Variants in JMJD1C observed in about 807,000 individuals in gnomAD.
JMJD1C encodes the protein jumonji domain-containing protein 1C.
JMJD1C carries 31 observed loss-of-function variants against 245.3 expected under a neutral mutation model. The observed-to-expected ratio is 0.13, with a 90% CI of 0.09 to 0.17. The LOEUF (loss-of-function observed/expected upper bound fraction) is 0.17. Among genes scored for constraint, JMJD1C ranks in the 10% least tolerant of loss-of-function variants. The probability of loss-of-function intolerance (pLI) is 1.00; values close to 1 mark genes in which losing one functional copy is unlikely to be tolerated. For missense variants in JMJD1C, 2,691 were observed against 3,000.2 expected (o/e 0.90, Z 2.41); for synonymous variants, 1,057 against 1,017.4 (o/e 1.04, Z -0.74).
At chr10:63,195,928 CA>C (rs1480842615) in intron 13 of JMJD1C, among the ~76,000 whole-genome samples, 1 of 148,816 alleles carries the variant, frequency 6.7e-6, no homozygotes, top group Non-Finnish European at 1.5e-5. Context: ...GACTCTGTCT[CA>C]AAAAAAGAAA....
chr10:63,396,099 G>C (rs1356320146), intron 1 of JMJD1C, among the ~76,000 whole-genome samples: 1 of 152,026 alleles, frequency 6.6e-6, no homozygotes, highest in Non-Finnish European at 1.5e-5. Flanking sequence ...AAATGCATAA[G>C]TAGAGAATTT....
chr10:63,188,619 T>C (rs1844414615), intron 18 of JMJD1C, among the ~76,000 whole-genome samples: 1 of 152,242 alleles, frequency 6.6e-6, no homozygotes. Flanking sequence ...ATTAATGTAG[T>C]AAATTGCCAT....
At chr10:63,183,402 T>C in intron 22 of JMJD1C, 45 bp downstream of exon 22, 1 of 1,537,182 alleles carries the variant, frequency 6.5e-7, no homozygotes, top group Non-Finnish European at 8.9e-7. Context: ...GTGAATGTGA[T>C]TATTCAACTC....
chr10:63,371,812 G>T (rs1018704078), intron 2 of JMJD1C, among the ~76,000 whole-genome samples: 4 of 152,118 alleles, frequency 2.6e-5, no homozygotes, highest in Non-Finnish European at 5.9e-5. Flanking sequence ...TGTATAATTT[G>T]ATCTCTTAAA....
At chr10:63,206,569 G>A (rs763170529) in intron 10 of JMJD1C, 26 bp downstream of exon 10, 1 of 1,532,186 alleles carries the variant, frequency 6.5e-7, no homozygotes, top group Non-Finnish European at 8.8e-7. Context: ...CATTTTACCT[G>A]AGATAAAACA....
Position 63,214,052 on chromosome 10 carries a change from A to G in JMJD1C, c.2115T>C (p.Ile705=). The G allele has an allele frequency of 6.2e-7, 1 of 1,614,182 alleles. No homozygotes were observed. The highest frequency in any genetic ancestry group is 8.5e-7 in the Non-Finnish European group (1 of 1,180,000). Residue 705 remains isoleucine, a synonymous_variant, in exon 8 of 26, where the codon ATT becomes ATC. Coordinates refer to ENST00000399262, the MANE Select transcript of JMJD1C (RefSeq NM_032776.3). Reference sequence around the variant, plus strand: ...AAACTGTAAAATGCTCATTTTTATCAATGATAAGAGGACTCTTTGTAGTTT... The same window carrying G: ...AAACTGTAAAATGCTCATTTTTATCGATGATAAGAGGACTCTTTGTAGTTT... The part of the protein sequence containing the change: ...TLETTKSPLI[I]DKNEHFTVYR...
intron 1 of JMJD1C, among the ~76,000 whole-genome samples, chr10:63,440,506 C>G (rs532195005): frequency 9.9e-5 from 15 of 152,078 alleles, no homozygotes; most frequent in Non-Finnish European, 2.1e-4. Context: ...TATAATACCT[C>G]AAATGATTCT....
intron 2 of JMJD1C, among the ~76,000 whole-genome samples, chr10:63,359,937 T>C (rs950534249): frequency 6.6e-6 from 1 of 152,116 alleles, no homozygotes; most frequent in South Asian, 2.1e-4. Flanking sequence ...AAAATACCTT[T>C]TGTTCCTTAA....
intron 2 of JMJD1C, among the ~76,000 whole-genome samples, chr10:63,337,608 G>GA (rs368646381): frequency 0.02 from 1,879 of 92,326 alleles, 187 homozygotes; most frequent in African/African-American, 0.084. Context: ...GAAAAGAAAA[G>GA]AAAAGAAAAG....
chr10:63,289,311 A>T (rs1858362700), intron 2 of JMJD1C, among the ~76,000 whole-genome samples: 1 of 78,460 alleles, frequency 1.3e-5, no homozygotes. Flanking sequence ...AAATTTAATA[A>T]GAGAAACATA....
rs527524688 is a variant in JMJD1C at position 63,514,469 on chromosome 10, C to T, written n.113+7269G>A. Among the ~76,000 whole-genome samples the T allele has an allele frequency of 2.0e-5, 3 of 152,308 alleles. No homozygotes were observed. The East Asian group carries it at 5.8e-4, about 29-fold the overall frequency. On this transcript the variant is annotated intron_variant and non_coding_transcript_variant, in intron 1 of 3. Transcript: ENST00000633035. ...ACATAACAAAGAATGAAATCATGTCCTTTTGCAGCAACATGGATGGAGTTG... is the reference window on the plus strand; with the variant it reads ...ACATAACAAAGAATGAAATCATGTCTTTTTGCAGCAACATGGATGGAGTTG...
chr10:63,431,806 G>A (rs1950768687), intron 1 of JMJD1C, among the ~76,000 whole-genome samples: 1 of 152,222 alleles, frequency 6.6e-6, no homozygotes, highest in African/African-American at 2.4e-5. Flanking sequence ...GAGGTCCAGA[G>A]ATAGAGACCA....
At chr10:63,309,782 T>C (rs1311315105) in intron 2 of JMJD1C, among the ~76,000 whole-genome samples, 1 of 152,002 alleles carries the variant, frequency 6.6e-6, no homozygotes, top group Non-Finnish European at 1.5e-5. Context: ...CTGGGTGTGG[T>C]GGCGCACGCC....
At chr10:63,299,018 A>G (rs1023255365) in intron 2 of JMJD1C, among the ~76,000 whole-genome samples, 3 of 152,120 alleles carry the variant, frequency 2.0e-5, no homozygotes, top group Non-Finnish European at 4.4e-5. Flanking sequence ...GGCATGAGCC[A>G]CCATGCCTGG....
At chr10:63,498,512 T>G (rs1413740665) in intron 1 of JMJD1C, among the ~76,000 whole-genome samples, 1 of 152,142 alleles carries the variant, frequency 6.6e-6, no homozygotes, top group African/African-American at 2.4e-5. Context: ...TGTCTTTCCT[T>G]AACTAAACAA....
intron 2 of JMJD1C, among the ~76,000 whole-genome samples, chr10:63,294,126 C>G (rs190375876): frequency 2.8e-4 from 43 of 152,264 alleles, no homozygotes; most frequent in African/African-American, 1.0e-3. Flanking sequence ...ATGAACTCTT[C>G]AGCAATTCAA....
At chr10:63,186,880 C>A (rs1398263095) in intron 18 of JMJD1C, among the ~76,000 whole-genome samples, 1 of 152,194 alleles carries the variant, frequency 6.6e-6, no homozygotes, top group African/African-American at 2.4e-5. Flanking sequence ...TAAGCTATGA[C>A]TTAAAAGTTT....
At chr10:63,482,934 G>A (rs1330302750) in intron 1 of JMJD1C, among the ~76,000 whole-genome samples, 4 of 152,124 alleles carry the variant, frequency 2.6e-5, no homozygotes, top group African/African-American at 9.6e-5. Context: ...TCAATGAAAT[G>A]CTTCCTAATT....
At chr10:63,220,578 A>C (rs1044799778) in intron 3 of JMJD1C, among the ~76,000 whole-genome samples, 1 of 152,242 alleles carries the variant, frequency 6.6e-6, no homozygotes, top group Non-Finnish European at 1.5e-5. Context: ...TATTACTCTC[A>C]TAACAGGCTG....
Sources: allele counts gnomAD v4.1 joint callset (sites outside exome capture counted in the v4.1 genomes callset), GRCh38; gene constraint gnomAD v4.1.1; transcripts MANE v1.5; gene names NCBI Gene and HGNC (gene_info 2026-07-23, HGNC 2026-07-21).